Variants in DHX57 observed in about 807,000 individuals in gnomAD.
The protein encoded by DHX57 is DExH-box helicase 57.
In DHX57, 105 loss-of-function variants were observed where a neutral mutation model predicts 156.2. The ratio of observed to expected loss-of-function variants is 0.67; its 90% CI spans 0.57 to 0.79. The LOEUF is 0.79. Ranked by LOEUF, DHX57 falls within the 30% of genes least tolerant of loss-of-function variation. The pLI is 0.00. For synonymous variants in DHX57, 704 were observed against 595.6 expected, an observed-to-expected ratio of 1.18 and a Z score of -2.65; for missense variants, 1,847 against 1,661.9, an observed-to-expected ratio of 1.11 and a Z score of -1.94.
rs748324367 is a variant in DHX57, at chr2:38,806,563, T to C, written c.3812A>G (p.Tyr1271Cys). The C allele has an allele frequency of 2.5e-6, 4 of 1,613,872 alleles. No homozygotes were observed. Among genetic ancestry groups the C allele is most frequent in the African/African-American group, 1.3e-5 (1 of 74,914 alleles). Residue 1271 changes from tyrosine to cysteine, a missense_variant, in exon 22 of 24, where the codon TAT becomes TGT. Coordinates refer to ENST00000457308, the MANE Select transcript of DHX57 (RefSeq NM_198963.3). ...YVHIHPSSVN[Y>C]QVRHFDSPYL... is the part of the protein sequence containing the mutation. Reference sequence around the variant, plus strand: ...AGTATACTCCACCATTCTGACCTGATAGTTCACTGATGAAGGGTGAATGTG... The same window carrying C: ...AGTATACTCCACCATTCTGACCTGACAGTTCACTGATGAAGGGTGAATGTG...
intron 1 of DHX57, among the ~76,000 whole-genome samples, chr2:38,871,371 A>G (rs892938941): frequency 2.0e-5 from 3 of 152,370 alleles, no homozygotes; most frequent in East Asian, 3.8e-4. Flanking sequence ...GACTACAGAC[A>G]GTAAAGTAAT....
Position 38,813,896 on chromosome 2 carries a change from C to T in DHX57, c.3607-1G>A. The T allele has an allele frequency of 6.2e-7, 1 of 1,612,740 alleles. No homozygotes were observed. The highest frequency in any genetic ancestry group is 8.5e-7 in the Non-Finnish European group (1 of 1,179,100). On this transcript the variant is annotated splice_acceptor_variant, in intron 20 of 23. Coordinates refer to ENST00000457308, the MANE Select transcript of DHX57 (RefSeq NM_198963.3). LOFTEE classifies it high-confidence loss of function. ...TGGGGTTCTCAGCATTTGAGTTTGC[C>T]TATGAGAAAAGCACAGCATTAATTA...
chr2:38,803,267 T>C (rs1669783017), intron 22 of DHX57, among the ~76,000 whole-genome samples: 1 of 151,598 alleles, frequency 6.6e-6, no homozygotes, highest in Non-Finnish European at 1.5e-5. Flanking sequence ...TGTGAGCCAC[T>C]GTGCCTGGCC....
At chr2:38,830,551 C>T (rs1020100440) in intron 13 of DHX57, among the ~76,000 whole-genome samples, 28 of 151,976 alleles carry the variant, frequency 1.8e-4, no homozygotes, top group South Asian at 4.2e-4. Context: ...ATCACTTGAA[C>T]CCAGGAAGTG....
In DHX57 at chr2:38,843,229, T is replaced by C; in HGVS notation, c.2220-19A>G. 3 of 1,612,424 alleles carry C rather than the reference T, an allele frequency of 1.9e-6. No homozygotes were observed. The highest frequency in any genetic ancestry group is 2.5e-6 in the Non-Finnish European group (3 of 1,179,386). Reference sequence around the variant, plus strand: ...TACATACCTGAGAAAGACAAAGGAATGTGGTTGTGTGTATGTGGTCCTGTT... The same window carrying C: ...TACATACCTGAGAAAGACAAAGGAACGTGGTTGTGTGTATGTGGTCCTGTT... On this transcript the variant is annotated intron_variant, in intron 11 of 23. Transcript: ENST00000457308.
At chr2:38,858,922 A>G (rs1351846405) in intron 5 of DHX57, 86 bp from the exon 6 acceptor site, 1 of 1,339,852 alleles carries the variant, frequency 7.5e-7, no homozygotes. Flanking sequence ...AGTATCAACA[A>G]CAAAAAGTCA....
chr2:38,799,415 T>G lies in DHX57; in HGVS notation c.4018-973A>C, dbSNP rs531375372. Reference sequence around the variant, plus strand: ...AGAAAATTTACTGATCACCGATCACTCCACTGCAGACCTTGTTGTCTCAAA... The same window carrying G: ...AGAAAATTTACTGATCACCGATCACGCCACTGCAGACCTTGTTGTCTCAAA... On this transcript the variant is annotated intron_variant, in intron 23 of 23. Transcript: ENST00000457308. Among the ~76,000 whole-genome samples the G allele has an allele frequency of 1.7e-4, 17 of 101,470 alleles. No individual in the cohort carries two copies. The East Asian group carries it at 5.3e-3, about 32-fold the overall frequency. The allele number at this position is 101,470 out of a possible 152,430, so 66.6% of individuals were successfully genotyped here. A position where few individuals can be genotyped will look rare whatever the true frequency, so the allele number is the denominator to read the frequency against.
chr2:38,839,687 C>T (rs898423725), intron 12 of DHX57, among the ~76,000 whole-genome samples: 1 of 150,726 alleles, frequency 6.6e-6, no homozygotes, highest in Non-Finnish European at 1.5e-5. Context: ...CGCTACTGCA[C>T]TCCTGCTGGG....
At chr2:38,799,479 G>A (rs930271839) in intron 23 of DHX57, among the ~76,000 whole-genome samples, 4 of 145,622 alleles carry the variant, frequency 2.7e-5, no homozygotes, top group Non-Finnish European at 4.5e-5. Flanking sequence ...AGGCTGGGCC[G>A]GGTGGCTCAC....
chr2:38,823,329 A>G, intron 16 of DHX57, 60 bp from the exon 17 acceptor site: 2 of 1,485,206 alleles, frequency 1.3e-6, no homozygotes, highest in Non-Finnish European at 1.8e-6. Flanking sequence ...GACACAGAGG[A>G]ATAATTTCTT....
chr2:38,834,818 A>G (rs932915854), intron 13 of DHX57, among the ~76,000 whole-genome samples: 1 of 152,324 alleles, frequency 6.6e-6, no homozygotes, highest in East Asian at 1.9e-4. Context: ...AGAAAAAGAG[A>G]TTTGTGAAGC....
intron 17 of DHX57, among the ~76,000 whole-genome samples, chr2:38,822,115 G>C (rs918501703): frequency 2.0e-5 from 3 of 151,732 alleles, no homozygotes; most frequent in Non-Finnish European, 4.4e-5. Context: ...ACGGAATTTC[G>C]CTCTTGTTGC....
chr2:38,837,059 G>C (rs979088499), intron 13 of DHX57, among the ~76,000 whole-genome samples: 1 of 152,000 alleles, frequency 6.6e-6, no homozygotes, highest in African/African-American at 2.4e-5. Flanking sequence ...ATGTTTTCCA[G>C]GCTGATCTCA....
chr2:38,829,098 C>T (rs1339994484), intron 13 of DHX57, among the ~76,000 whole-genome samples: 3 of 151,906 alleles, frequency 2.0e-5, no homozygotes, highest in East Asian at 1.9e-4. Context: ...CATGCCATCA[C>T]GCCCGGCTAA....
At chr2:38,816,289 T>C (rs758896842) in intron 19 of DHX57, 2 of 454,852 alleles carry the variant, frequency 4.4e-6, no homozygotes, top group Non-Finnish European at 8.9e-6. Flanking sequence ...ATCTTGGCTT[T>C]CTGCAACCTC....
intron 21 of DHX57, among the ~76,000 whole-genome samples, chr2:38,807,707 G>T (rs1330786897): frequency 6.6e-6 from 1 of 150,668 alleles, no homozygotes; most frequent in Non-Finnish European, 1.5e-5. Flanking sequence ...GAGTGCAACG[G>T]TGCAATCTCG....
intron 12 of DHX57, among the ~76,000 whole-genome samples, chr2:38,840,342 C>T (rs1429054033): frequency 6.6e-6 from 1 of 151,394 alleles, no homozygotes; most frequent in African/African-American, 2.4e-5. Flanking sequence ...ATTTAATTTT[C>T]TGAAAGGCGA....
At chr2:38,872,648 T>C (rs1369407805) in intron 1 of DHX57, among the ~76,000 whole-genome samples, 1 of 152,186 alleles carries the variant, frequency 6.6e-6, no homozygotes. Flanking sequence ...TATTTCTTAA[T>C]GATAAAAGGG....
In DHX57 at chr2:38,861,396, T is replaced by C; in HGVS notation, c.1014A>G (p.Val338=). The C allele has an allele frequency of 1.2e-6, 2 of 1,614,112 alleles. No individual in the cohort carries two copies. Among genetic ancestry groups the C allele is most frequent in the South Asian group, 1.1e-5 (1 of 91,076 alleles). ...NQIVGRIERS[V]DDSHLNAIED... ...CAATAGCATTAAGATGAGAATCATC[T>C]ACACTTCTTTCTATTCTTCCAACAA... The change falls in exon 5 of 24, where the codon GTA becomes GTG. Residue 338 remains valine, a synonymous_variant. Coordinates refer to ENST00000457308, the MANE Select transcript of DHX57 (RefSeq NM_198963.3).
Sources: gnomAD v4.1 joint callset for allele counts (sites outside exome capture counted in the v4.1 genomes callset) on GRCh38, gnomAD v4.1.1 for gene constraint, MANE v1.5 for transcripts, NCBI Gene and HGNC (gene_info 2026-07-23, HGNC 2026-07-21) for gene names.